SLC35D1: variants seen among roughly 807,000 people sequenced by gnomAD.
SLC35D1 encodes the protein solute carrier family 35 member D1, also known as nucleotide sugar transporter SLC35D1.
A neutral mutation model predicts 46.7 loss-of-function variants in SLC35D1; 31 were observed. That is an observed-to-expected ratio of 0.66 (90% CI 0.50 to 0.90). The LOEUF is 0.90. Among genes scored for constraint, SLC35D1 ranks in the 40% least tolerant of loss-of-function variants. The probability of loss-of-function intolerance (pLI) is 0.00; values close to 1 mark genes in which losing one functional copy is unlikely to be tolerated. For missense variants in SLC35D1, 397 were observed against 426.2 expected (o/e 0.93, Z 0.60); for synonymous variants, 195 against 164.6 (o/e 1.18, Z -1.41).
At chr1:66,986,459 G>A in the SLC35D1 span, 2 of 1,609,408 alleles carry the variant, frequency 1.2e-6, no homozygotes, top group South Asian at 1.1e-5. Context: ...AAGAGCCAAT[G>A]CCTTTTTAAA....
At chr1:66,986,927 T>G in the SLC35D1 span, 2 of 133,992 alleles carry the variant, frequency 1.5e-5, no homozygotes, top group African/African-American at 6.5e-5. Context: ...GATGCTGTAC[T>G]TTTTGAATTG....
chr1:66,983,048 CTATT>C, the SLC35D1 span, among the ~76,000 whole-genome samples: 3 of 152,154 alleles, frequency 2.0e-5, no homozygotes, highest in Non-Finnish European at 4.4e-5. Context: ...TTTTAAGAAA[CTATT>C]TGATGAGAAC....
At chr1:67,042,349 G>T (rs772954406) in intron 7 of SLC35D1, 21 bp from the exon 8 acceptor site, 34 of 1,606,000 alleles carry the variant, frequency 2.1e-5, no homozygotes, top group Non-Finnish European at 2.9e-5. Context: ...AAATAATTAG[G>T]TGTTTCATCT....
intron 4 of SLC35D1, among the ~76,000 whole-genome samples, chr1:67,051,383 C>T (rs893283369): frequency 2.0e-5 from 3 of 152,254 alleles, no homozygotes; most frequent in Admixed American, 6.5e-5. Flanking sequence ...CATTTTAATA[C>T]CACACACAAC....
the SLC35D1 span, chr1:66,987,959 T>C: frequency 6.6e-6 from 1 of 152,302 alleles, no homozygotes; most frequent in Non-Finnish European, 1.5e-5. Flanking sequence ...TTAAAAATAA[T>C]GTGTTCCCGT....
At chr1:67,038,118 G>T (rs961142549) in intron 8 of SLC35D1, among the ~76,000 whole-genome samples, 1 of 152,112 alleles carries the variant, frequency 6.6e-6, no homozygotes, top group African/African-American at 2.4e-5. Flanking sequence ...AAGAATAATT[G>T]ATCCAACCCA....
chr1:66,977,077 G>A, the SLC35D1 span, among the ~76,000 whole-genome samples: 116 of 151,686 alleles, frequency 7.6e-4, 2 homozygotes, highest in East Asian at 0.021. Context: ...CTTAAATTCA[G>A]TTCCATTCAG....
chr1:66,977,441 T>A, the SLC35D1 span, among the ~76,000 whole-genome samples: 1 of 152,122 alleles, frequency 6.6e-6, no homozygotes, highest in Non-Finnish European at 1.5e-5. Context: ...AAAAAACATG[T>A]ATATGGTGAC....
intron 11 of SLC35D1, among the ~76,000 whole-genome samples, chr1:67,008,112 CT>C (rs1457896273): frequency 1.3e-5 from 2 of 152,198 alleles, no homozygotes; most frequent in Non-Finnish European, 2.9e-5. Context: ...AATTTTCCAT[CT>C]GTCTAATCTT....
intron 4 of SLC35D1, 112 bp downstream of exon 4, chr1:67,051,900 G>T: frequency 1.3e-6 from 1 of 772,922 alleles, no homozygotes; most frequent in Non-Finnish European, 2.2e-6. Context: ...AAGCTTTCTG[G>T]TCCTTTCATT....
the SLC35D1 span, chr1:66,988,115 G>A: frequency 9.4e-6 from 1 of 106,610 alleles, no homozygotes; most frequent in Non-Finnish European, 2.3e-5. Flanking sequence ...TATTTACATG[G>A]GGTGTGTAAC....
At chr1:66,981,886 A>C in the SLC35D1 span, 2 of 1,613,978 alleles carry the variant, frequency 1.2e-6, no homozygotes, top group African/African-American at 2.7e-5. Flanking sequence ...TCTGAGAAAG[A>C]AGATGGCACT....
intron 1 of SLC35D1, among the ~76,000 whole-genome samples, chr1:67,053,420 C>T (rs766430862): frequency 6.6e-6 from 1 of 152,190 alleles, no homozygotes; most frequent in Non-Finnish European, 1.5e-5. Flanking sequence ...GAAGCCCCGG[C>T]CCCCTGTCCA....
intron 1 of SLC35D1, 143 bp downstream of exon 1, chr1:67,053,668 G>C: frequency 1.3e-6 from 1 of 758,124 alleles, no homozygotes; most frequent in Non-Finnish European, 1.8e-6. Context: ...CGGGCCGCGC[G>C]CGTCAGCCGC....
At chr1:67,038,854 A>ACACAC (rs1558162811) in intron 8 of SLC35D1, among the ~76,000 whole-genome samples, 63 of 128,082 alleles carry the variant, frequency 4.9e-4, no homozygotes, top group Admixed American at 1.2e-3. Flanking sequence ...CACACACACA[A>ACACAC]ACACACACAC....
rs144491484 is a variant in SLC35D1, at chr1:67,042,437, C to G, written c.637-109G>C. Reference sequence around the variant, plus strand: ...ATAAATACACAAACACACACACCCTCCCCTACAACATACACAGCAAATGAA... The same window carrying G: ...ATAAATACACAAACACACACACCCTGCCCTACAACATACACAGCAAATGAA... On this transcript the variant is annotated intron_variant, in intron 7 of 11. Coordinates refer to ENST00000235345, the MANE Select transcript of SLC35D1 (RefSeq NM_015139.3). 107 of 898,564 alleles carry G rather than the reference C, an allele frequency of 1.2e-4. 2 individuals are homozygous for G. Among genetic ancestry groups the G allele is most frequent in the East Asian group, 7.7e-4 (32 of 41,630 alleles). 55.7% of individuals were successfully genotyped at this position (898,564 alleles called of 1,614,324 possible). A position where few individuals can be genotyped will look rare whatever the true frequency, so the allele number is the denominator to read the frequency against.
the SLC35D1 span, among the ~76,000 whole-genome samples, chr1:66,977,060 T>C: frequency 0.11 from 17,436 of 152,120 alleles, 2,423 homozygotes; most frequent in African/African-American, 0.34. Context: ...TGTGAAAGCA[T>C]GTTTTTCTTA....
intron 8 of SLC35D1, among the ~76,000 whole-genome samples, chr1:67,038,374 C>G (rs1668167251): frequency 6.6e-6 from 1 of 152,186 alleles, no homozygotes; most frequent in South Asian, 2.1e-4. Context: ...CTCCCCTAAA[C>G]CATGTAATTT....
chr1:66,981,760 TTG>T, the SLC35D1 span: 23 of 1,562,804 alleles, frequency 1.5e-5, no homozygotes, highest in Non-Finnish European at 1.7e-5. Context: ...AATATAAAAA[TTG>T]TTTTATTAAT....
Sources: allele counts gnomAD v4.1 joint callset (sites outside exome capture counted in the v4.1 genomes callset), GRCh38; gene constraint gnomAD v4.1.1; transcripts MANE v1.5; gene names NCBI Gene and HGNC (gene_info 2026-07-23, HGNC 2026-07-21).